Variants in GNAL observed in about 807,000 individuals in gnomAD.
The protein encoded by GNAL is guanine nucleotide-binding protein G(olf) subunit alpha.
Under a neutral mutation model 55.1 loss-of-function variants are expected in GNAL, and 18 were observed. The observed-to-expected ratio is 0.33, with a 90% confidence interval of 0.23 to 0.48. GNAL has a LOEUF of 0.48. Ranked by LOEUF, GNAL falls within the 20% of genes least tolerant of loss-of-function variation. GNAL has a pLI of 0.99. For missense variants in GNAL, 412 were observed against 614.1 expected (o/e 0.67, Z 3.48); for synonymous variants, 253 against 237.0 (o/e 1.07, Z -0.62).
chr18:11,690,062 C>A (rs1022847758), intron 1 of GNAL, 123 bp downstream of exon 1: 1 of 465,356 alleles, frequency 2.1e-6, no homozygotes, highest in Non-Finnish European at 3.2e-6. Context: ...CTCCTGAATC[C>A]CGGGACTGGA....
intron 4 of GNAL, among the ~76,000 whole-genome samples, chr18:11,819,971 G>GT (rs1177482469): frequency 6.6e-6 from 1 of 151,544 alleles, no homozygotes; most frequent in African/African-American, 2.4e-5. Flanking sequence ...AAAAAAAAAA[G>GT]TTAGAGTTGG....
rs564129009 is a variant in GNAL at position 11,812,418 on chromosome 18, A to T, written c.625-12500A>T. Reference sequence around the variant, plus strand: ...TCCGTTTCTGCCCCAGGCCTCAAGGATCTTGAGAGAATTAATATGTGAAAT... The same window carrying T: ...TCCGTTTCTGCCCCAGGCCTCAAGGTTCTTGAGAGAATTAATATGTGAAAT... On this transcript the variant is annotated intron_variant, in intron 4 of 11. Transcript: ENST00000334049. Among the ~76,000 whole-genome samples, 16 of 152,342 alleles carry T rather than the reference A, an allele frequency of 1.1e-4. No homozygotes were observed. The East Asian group carries it at 2.9e-3, about 28-fold the overall frequency.
At chr18:11,803,405 T>C (rs1034727094) in intron 4 of GNAL, among the ~76,000 whole-genome samples, 13 of 152,250 alleles carry the variant, frequency 8.5e-5, no homozygotes, top group Non-Finnish European at 1.9e-4. Context: ...ACTGCCTTCC[T>C]TTGTAAGGAT....
intron 4 of GNAL, among the ~76,000 whole-genome samples, chr18:11,796,949 A>G (rs1027643249): frequency 2.6e-5 from 4 of 152,150 alleles, no homozygotes; most frequent in Admixed American, 2.6e-4. Flanking sequence ...ATCTGAGGAT[A>G]AGTCCCTATC....
chr18:11,745,158 G>A (rs1012517635), intron 1 of GNAL, among the ~76,000 whole-genome samples: 1 of 152,140 alleles, frequency 6.6e-6, no homozygotes, highest in Non-Finnish European at 1.5e-5. Context: ...ACCGTCTTGT[G>A]CTATACATAC....
chr18:11,760,958 G>C (rs1488881137), intron 4 of GNAL, among the ~76,000 whole-genome samples: 1 of 152,192 alleles, frequency 6.6e-6, no homozygotes, highest in African/African-American at 2.4e-5. Flanking sequence ...GATTAAACAT[G>C]TTAATATCTA....
intron 5 of GNAL, among the ~76,000 whole-genome samples, chr18:11,840,741 T>A (rs2035595740): frequency 6.6e-6 from 1 of 152,200 alleles, no homozygotes; most frequent in African/African-American, 2.4e-5. Context: ...TCAGTCAATG[T>A]ACACAGTCAT....
chr18:11,764,010 T>C (rs116706931), intron 4 of GNAL, among the ~76,000 whole-genome samples: 2,818 of 152,336 alleles, frequency 0.018, 93 homozygotes, highest in African/African-American at 0.064. Flanking sequence ...CTAGTTAAGG[T>C]GGGGTCTGCT....
intron 5 of GNAL, among the ~76,000 whole-genome samples, chr18:11,826,850 G>A (rs2035259255): frequency 1.3e-5 from 2 of 152,212 alleles, no homozygotes; most frequent in South Asian, 4.1e-4. Flanking sequence ...GCTCGGAAGA[G>A]AGGCAGATGG....
chr18:11,788,929 A>ATACG (rs1379439098), intron 4 of GNAL, among the ~76,000 whole-genome samples: 1 of 74,652 alleles, frequency 1.3e-5, no homozygotes, highest in African/African-American at 3.3e-5. Context: ...ATATATATAT[A>ATACG]TATATATACA....
chr18:11,852,006 C>G (rs2035883048), intron 5 of GNAL: 3 of 1,613,534 alleles, frequency 1.9e-6, no homozygotes. Context: ...TCGACCTCAA[C>G]ATGGAGCTGC....
intron 1 of GNAL, among the ~76,000 whole-genome samples, chr18:11,735,090 A>G (rs1017556372): frequency 2.0e-5 from 3 of 151,172 alleles, no homozygotes; most frequent in African/African-American, 4.9e-5. Flanking sequence ...CGCCCTTATC[A>G]CCCAGGTTAT....
At chr18:11,845,695 A>G (rs1436122033) in intron 5 of GNAL, among the ~76,000 whole-genome samples, 1 of 151,664 alleles carries the variant, frequency 6.6e-6, no homozygotes, top group South Asian at 2.1e-4. Flanking sequence ...CACTCCGGGT[A>G]ACAGAGTGAC....
intron 1 of GNAL, among the ~76,000 whole-genome samples, chr18:11,715,000 C>T (rs1175114011): frequency 6.6e-6 from 1 of 151,906 alleles, no homozygotes; most frequent in Non-Finnish European, 1.5e-5. Flanking sequence ...AAAAAAATAA[C>T]CAGGCATGGT....
At position 11,752,140 on chromosome 18, in the gene GNAL, C is replaced by T. The variant is rs191152449; in HGVS notation, c.377-713C>T. On this transcript the variant is annotated intron_variant, in intron 1 of 11. Transcript: ENST00000334049. The surrounding 1 kb of genome is among the most constrained non-coding windows in gnomAD (Gnocchi z 4.5). ...CTCCAGCGGAGACCGGCGCCCTCGCCCCCCGTCTCCGTTCATTGTGCTGTA... is the reference window on the plus strand; with the variant it reads ...CTCCAGCGGAGACCGGCGCCCTCGCTCCCCGTCTCCGTTCATTGTGCTGTA... 10 of 242,674 alleles carry T rather than the reference C, an allele frequency of 4.1e-5. No individual in the cohort carries two copies. Among genetic ancestry groups the T allele is most frequent in the Non-Finnish European group, 6.6e-5 (9 of 136,432 alleles). 15.0% of individuals were successfully genotyped at this position (242,674 alleles called of 1,614,324 possible). A position where few individuals can be genotyped will look rare whatever the true frequency, so the allele number is the denominator to read the frequency against.
chr18:11,809,446 G>A (rs181878162), intron 4 of GNAL, among the ~76,000 whole-genome samples: 4 of 152,196 alleles, frequency 2.6e-5, no homozygotes, highest in Admixed American at 6.5e-5. Context: ...GAATTGTATG[G>A]TATATAAATT....
intron 4 of GNAL, among the ~76,000 whole-genome samples, chr18:11,777,412 C>A (rs1364040611): frequency 6.6e-6 from 1 of 152,212 alleles, no homozygotes; most frequent in Non-Finnish European, 1.5e-5. Flanking sequence ...AACAGGTATT[C>A]AGATGACTCG....
chr18:11,733,454 C>T (rs1226249230), intron 1 of GNAL, among the ~76,000 whole-genome samples: 3 of 152,212 alleles, frequency 2.0e-5, no homozygotes, highest in African/African-American at 4.8e-5. Context: ...AGCTAAACGG[C>T]AGCAAGGTCC....
chr18:11,885,426 C>G lies in GNAL; in HGVS notation c.*4291C>G, dbSNP rs2037056343. The G allele has an allele frequency of 3.9e-6, 2 of 512,608 alleles. No homozygotes were observed. Among genetic ancestry groups the G allele is most frequent in the South Asian group, 4.8e-5 (2 of 41,458 alleles). 31.8% of individuals were successfully genotyped at this position (512,608 alleles called of 1,614,324 possible). On this transcript the variant is annotated 3_prime_UTR_variant, in exon 12 of 12. Transcript: ENST00000334049. The stretch of plus-strand genomic sequence containing the variant: ...TGTAAGAGGAGAGGATACGGCCCTC[C>G]CTGAAGGATAAAGTCCACCTGGACG...
Sources: gnomAD v4.1 joint callset for allele counts (sites outside exome capture counted in the v4.1 genomes callset) on GRCh38, gnomAD v4.1.1 for gene constraint, Gnocchi (gnomAD v3.1) non-coding constraint, MANE v1.5 for transcripts, NCBI Gene and HGNC (gene_info 2026-07-23, HGNC 2026-07-21) for gene names.